The following RBM17 variants were observed in gnomAD, a reference collection of about 807,000 sequenced individuals.
RBM17 encodes the protein splicing factor 45.
In RBM17, 7 loss-of-function variants were observed where a neutral mutation model predicts 53.2. That is an observed-to-expected ratio of 0.13 (90% CI 0.07 to 0.25). RBM17 has a LOEUF of 0.25. Among genes scored for constraint, RBM17 ranks in the 10% least tolerant of loss-of-function variants. RBM17 has a pLI of 1.00. For missense variants in RBM17, 257 were observed against 496.7 expected (o/e 0.52, Z 4.59); for synonymous variants, 167 against 178.1 (o/e 0.94, Z 0.50).
intron 1 of RBM17, among the ~76,000 whole-genome samples, chr10:6,093,107 A>G (rs1840513162): frequency 6.6e-6 from 1 of 151,842 alleles, no homozygotes; most frequent in Non-Finnish European, 1.5e-5. Context: ...AGTTTAGAGA[A>G]CTCTTTTCAT....
chr10:6,114,895 C>A, intron 10 of RBM17: 1 of 234,000 alleles, frequency 4.3e-6, no homozygotes. Context: ...ACTAGGGCAC[C>A]AGCCTTTTTA....
At chr10:6,091,159 A>G (rs963427895) in intron 1 of RBM17, among the ~76,000 whole-genome samples, 5 of 151,680 alleles carry the variant, frequency 3.3e-5, no homozygotes, top group Admixed American at 1.3e-4. Flanking sequence ...CCCAGGTTCA[A>G]ATGGTTCTCT....
intron 1 of RBM17, among the ~76,000 whole-genome samples, chr10:6,094,155 T>A (rs1840533098): frequency 1.3e-5 from 2 of 152,016 alleles, no homozygotes; most frequent in African/African-American, 4.8e-5. Context: ...TGTTTCTGTA[T>A]TTTTAGTAGA....
intron 1 of RBM17, among the ~76,000 whole-genome samples, chr10:6,095,198 G>A (rs757809531): frequency 2.6e-5 from 4 of 151,992 alleles, no homozygotes; most frequent in Non-Finnish European, 4.4e-5. Context: ...TCTGCATCCC[G>A]GCATCCCTTC....
intron 1 of RBM17, among the ~76,000 whole-genome samples, chr10:6,091,267 C>T (rs1840480739): frequency 6.6e-6 from 1 of 152,042 alleles, no homozygotes; most frequent in South Asian, 2.1e-4. Flanking sequence ...CCATGTTGGC[C>T]AGGCTGGTCT....
intron 2 of RBM17, among the ~76,000 whole-genome samples, chr10:6,098,599 G>T (rs867643520): frequency 4.1e-5 from 3 of 72,970 alleles, no homozygotes; most frequent in Non-Finnish European, 6.8e-5. Context: ...TTTTTGAGAC[G>T]TAGTCTCACT....
intron 9 of RBM17, 193 bp from the exon 10 acceptor site, chr10:6,113,856 A>G: frequency 1.7e-6 from 1 of 587,370 alleles, no homozygotes; most frequent in South Asian, 2.2e-5. Flanking sequence ...ATGCTTTTGT[A>G]ACTCTTTACA....
At chr10:6,091,278 C>G (rs1242034234) in intron 1 of RBM17, among the ~76,000 whole-genome samples, 1 of 151,986 alleles carries the variant, frequency 6.6e-6, no homozygotes, top group Admixed American at 6.5e-5. Context: ...AGGCTGGTCT[C>G]GAACTCCTGA....
Position 6,113,510 on chromosome 10 carries a change from G to A in RBM17, c.859G>A (p.Ala287Thr), listed in dbSNP as rs1337341378. 1.2e-6 allele frequency: 2 copies of A among 1,608,194 alleles called. No individual in the cohort carries two copies. The highest frequency in any genetic ancestry group is 1.7e-6 in the Non-Finnish European group (2 of 1,174,756). ...TCTAATGGTATGTTTTGATACAGAT[G>A]CATCCAAGAAGTCAGATTCAAATCC... ...IIVGDATEKDASKKSDSNPLT... is the reference protein window; with the variant it reads ...IIVGDATEKDTSKKSDSNPLT... Residue 287 changes from alanine to threonine, a missense_variant and splice_region_variant, in exon 9 of 12, where the codon GCA (alanine) becomes ACA (threonine). Transcript: ENST00000379888.
In RBM17 at chr10:6,106,371, G is replaced by T. The variant is rs1840748601; in HGVS notation, c.505+133G>T. The T allele has an allele frequency of 2.5e-5, 16 of 631,148 alleles. No homozygotes were observed. In the South Asian group the frequency reaches 3.0e-4, roughly 12 times the overall value. 39.1% of individuals were successfully genotyped at this position (631,148 alleles called of 1,614,324 possible). A position where few individuals can be genotyped will look rare whatever the true frequency, so the allele number is the denominator to read the frequency against. ...GGGTAATTTTCTTTCTGGAATCCCAGCAATACACATTTGCGTCACAGTTTT... is the reference window on the plus strand; with the variant it reads ...GGGTAATTTTCTTTCTGGAATCCCATCAATACACATTTGCGTCACAGTTTT... On this transcript the variant is annotated intron_variant, in intron 5 of 11. Transcript: ENST00000379888.
intron 2 of RBM17, 105 bp from the exon 3 acceptor site, chr10:6,101,166 A>G: frequency 1.8e-6 from 1 of 544,842 alleles, no homozygotes; most frequent in Non-Finnish European, 3.2e-6. Flanking sequence ...GTTTTCTCAT[A>G]TCTCAAAGGT....
At chr10:6,103,262 C>T (rs1043341492) in intron 3 of RBM17, among the ~76,000 whole-genome samples, 10 of 152,276 alleles carry the variant, frequency 6.6e-5, no homozygotes, top group African/African-American at 2.4e-4. Flanking sequence ...AATTTTACCC[C>T]ATCCTCCCCC....
chr10:6,098,758 C>T (rs922775248), intron 2 of RBM17, among the ~76,000 whole-genome samples: 10 of 151,914 alleles, frequency 6.6e-5, no homozygotes. Context: ...CCTTGTAAGC[C>T]AGGATGGTCT....
chr10:6,090,860 A>AT (rs953617314), intron 1 of RBM17, among the ~76,000 whole-genome samples: 2 of 144,960 alleles, frequency 1.4e-5, no homozygotes, highest in African/African-American at 2.5e-5. Context: ...TATGGGAAAA[A>AT]TTTTTTTTTA....
intron 5 of RBM17, among the ~76,000 whole-genome samples, chr10:6,106,913 A>G (rs1470855645): frequency 6.6e-6 from 1 of 152,146 alleles, no homozygotes; most frequent in Non-Finnish European, 1.5e-5. Flanking sequence ...TTCTTATTTT[A>G]ATGTGATTAG....
At chr10:6,115,399 T>A in intron 11 of RBM17, 54 bp from the exon 12 acceptor site, 1 of 1,545,120 alleles carries the variant, frequency 6.5e-7, no homozygotes, top group Non-Finnish European at 8.9e-7. Flanking sequence ...TAATTAAAGT[T>A]AAACCTTTAT....
chr10:6,090,024 G>A (rs970901330), intron 1 of RBM17: 1 of 152,392 alleles, frequency 6.6e-6, no homozygotes, highest in Non-Finnish European at 1.5e-5. Context: ...GAGGAAGTAA[G>A]TGCGAAAGTA....
chr10:6,089,912 A>G lies in RBM17; in HGVS notation c.-19+719A>G, dbSNP rs12219946. The G allele has an allele frequency of 0.11, 17,059 of 152,260 alleles. 1,150 individuals carry two copies. Among genetic ancestry groups the G allele is most frequent in the East Asian group, 0.25 (1,287 of 5,238 alleles). 9.4% of individuals were successfully genotyped at this position (152,260 alleles called of 1,614,324 possible). On this transcript the variant is annotated intron_variant, in intron 1 of 11. Transcript: ENST00000379888. The surrounding 1 kb of genome is among the most constrained non-coding windows in gnomAD (Gnocchi z 5.6). The stretch of plus-strand genomic sequence containing the variant: ...GGCCCGGGTTGATTTGAGAAACGCA[A>G]GTGGGGTCTGGAAGGACCTCTCTTG...
At chr10:6,109,901 G>A in intron 6 of RBM17, 85 bp from the exon 7 acceptor site, 3 of 1,161,594 alleles carry the variant, frequency 2.6e-6, no homozygotes, top group Non-Finnish European at 3.5e-6. Flanking sequence ...GGTTAAATTT[G>A]TTCAAGATAA....
Sources: gnomAD v4.1 joint callset for allele counts (sites outside exome capture counted in the v4.1 genomes callset) on GRCh38, gnomAD v4.1.1 for gene constraint, Gnocchi (gnomAD v3.1) non-coding constraint, MANE v1.5 for transcripts, NCBI Gene and HGNC (gene_info 2026-07-23, HGNC 2026-07-21) for gene names.